The following PANX2 variants were observed in gnomAD, a reference collection of about 807,000 sequenced individuals.
PANX2 encodes pannexin-2.
Under a neutral mutation model 38.7 loss-of-function variants are expected in PANX2, and 30 were observed. That is an observed-to-expected ratio of 0.78 (90% CI 0.58 to 1.05). PANX2 has a LOEUF of 1.05. PANX2 is among the 50% of genes least tolerant of loss of function. The pLI is 0.00. For missense variants in PANX2, 880 were observed against 979.3 expected (o/e 0.90, Z 1.35); for synonymous variants, 539 against 472.1 (o/e 1.14, Z -1.84).
chr22:50,171,757 C>G (rs2063633560), intron 1 of PANX2, among the ~76,000 whole-genome samples: 1 of 152,306 alleles, frequency 6.6e-6, no homozygotes, highest in South Asian at 2.1e-4. Context: ...AGAACTTCCT[C>G]CCCTGGGGTC....
chr22:50,175,578 GTCCC>G, intron 1 of PANX2: 3 of 560,008 alleles, frequency 5.4e-6, no homozygotes, highest in Non-Finnish European at 8.4e-6. Flanking sequence ...CCAGCTCGAT[GTCCC>G]CACCGAGGAC....
chr22:50,177,022 C>T lies in PANX2; in HGVS notation c.310C>T (p.Arg104Trp), dbSNP rs750122109. ...CCGCGGCTACTGCTGGACGGAGCTG[C>T]GGGACGCGCTGCCCGGCGTGGACGC... ...YARGYCWTEL[R>W]DALPGVDASL... Residue 104 changes from arginine to tryptophan, a missense_variant, in exon 2 of 3, where the codon CGG becomes TGG. Arg to Trp is a moderately radical substitution (Grantham distance 101). Transcript: ENST00000395842. 20 of 1,604,398 alleles carry T rather than the reference C, an allele frequency of 1.2e-5. No individual in the cohort carries two copies. Among genetic ancestry groups the T allele is most frequent in the Non-Finnish European group, 1.3e-5 (15 of 1,177,502 alleles).
In PANX2 at chr22:50,177,367, C is replaced by T. The variant is rs1273549285; in HGVS notation, c.655C>T (p.Arg219Cys). ...LFEKYLERRG[R>C]SNFLAKLYLA... ...CGAGAAGTACCTGGAGCGCCGCGGC[C>T]GCAGCAACTTCCTGGCCAAGCTGTA... Residue 219 changes from arginine (R) to cysteine (C), a missense_variant, in exon 2 of 3, where the codon CGC (arginine) becomes TGC (cysteine). Transcript: ENST00000395842. The T allele has an allele frequency of 6.2e-7, 1 of 1,609,646 alleles. No homozygotes were observed. Among genetic ancestry groups the T allele is most frequent in the South Asian group, 1.1e-5 (1 of 90,734 alleles).
chr22:50,176,897 T>C, intron 1 of PANX2, 42 bp from the exon 2 acceptor site: 1 of 1,480,792 alleles, frequency 6.8e-7, no homozygotes, highest in Non-Finnish European at 8.9e-7. Flanking sequence ...GCCCAGCCCG[T>C]GCGCCTCCCC....
chr22:50,175,305 G>A (rs1401976361), intron 1 of PANX2: 1 of 311,246 alleles, frequency 3.2e-6, no homozygotes, highest in African/African-American at 2.3e-5. Flanking sequence ...GGCCCTACTG[G>A]AGTCTGGGTC....
In PANX2 at chr22:50,178,977, A is replaced by C; in HGVS notation, c.1734A>C (p.Pro578=). 6.2e-7 allele frequency: 1 copy of C among 1,604,386 alleles called. No individual in the cohort carries two copies. The highest frequency in any genetic ancestry group is 8.5e-7 in the Non-Finnish European group (1 of 1,174,696). Residue 578 remains proline, a synonymous_variant, in exon 3 of 3, where the codon CCA becomes CCC. Transcript: ENST00000395842. ...PEKEIPYPTE[P]ARAGLPSGGP... Reference sequence around the variant, plus strand: ...AGGAAATCCCGTACCCCACAGAGCCAGCCCGGGCAGGGCTTCCCTCGGGGG... The same window carrying C: ...AGGAAATCCCGTACCCCACAGAGCCCGCCCGGGCAGGGCTTCCCTCGGGGG...
At chr22:50,173,686 G>A (rs576983813) in intron 1 of PANX2, among the ~76,000 whole-genome samples, 4 of 152,386 alleles carry the variant, frequency 2.6e-5, no homozygotes, top group South Asian at 2.1e-4. Flanking sequence ...CCAGATGCGA[G>A]TCTCATGGGG....
At chr22:50,176,439 C>G (rs2063661546) in intron 1 of PANX2, among the ~76,000 whole-genome samples, 2 of 152,234 alleles carry the variant, frequency 1.3e-5, no homozygotes, top group South Asian at 4.1e-4. Context: ...AGAGCCCACC[C>G]TGCCTTCCCG....
Position 50,179,977 on chromosome 22 carries a change from A to G in PANX2, c.*700A>G, listed in dbSNP as rs951546839. 2.0e-5 allele frequency: 3 copies of G among 153,270 alleles called. No homozygotes were observed. The highest frequency in any genetic ancestry group is 4.4e-5 in the Non-Finnish European group (3 of 68,706). 9.5% of individuals were successfully genotyped at this position (153,270 alleles called of 1,614,324 possible). On this transcript the variant is annotated 3_prime_UTR_variant, in exon 3 of 3. Transcript: ENST00000395842. ...GGTGAGCGTGAGCGAGCGGGTGTGT[A>G]TGTACGAGTGTGCACGTGTGTGCGT...
chr22:50,174,569 C>A (rs1258223275), intron 1 of PANX2, among the ~76,000 whole-genome samples: 2 of 152,114 alleles, frequency 1.3e-5, no homozygotes, highest in Non-Finnish European at 2.9e-5. Flanking sequence ...GCATAGCTGG[C>A]ATGGCCAGGA....
At position 50,178,370 on chromosome 22, in the gene PANX2, G is replaced by C; in HGVS notation, c.1658G>C (p.Cys553Ser). Residue 553 changes from cysteine to serine, a missense_variant, in exon 2 of 3, where the codon TGT (cysteine) becomes TCT (serine). Physicochemically the swap from Cys to Ser is moderately radical, Grantham distance 112. Coordinates refer to ENST00000395842, the MANE Select transcript of PANX2 (RefSeq NM_052839.4). ...EGGFLSQAEDCGLGLAPAPIK... is the reference protein window; with the variant it reads ...EGGFLSQAEDSGLGLAPAPIK... Reference sequence around the variant, plus strand: ...GGCTTCCTGTCCCAGGCGGAGGACTGTGGGCTAGGCCTGGCCCCGGCGCCC... The same window carrying C: ...GGCTTCCTGTCCCAGGCGGAGGACTCTGGGCTAGGCCTGGCCCCGGCGCCC... 6.8e-7 allele frequency: 1 copy of C among 1,472,292 alleles called. No individual in the cohort carries two copies. Among genetic ancestry groups the C allele is most frequent in the Non-Finnish European group, 8.9e-7 (1 of 1,119,386 alleles). 91.2% of individuals were successfully genotyped at this position (1,472,292 alleles called of 1,614,324 possible).
chr22:50,171,041 G>C, intron 1 of PANX2, 85 bp downstream of exon 1: 3 of 660,000 alleles, frequency 4.5e-6, no homozygotes, highest in African/African-American at 1.9e-5. Flanking sequence ...CGTCCCCGGC[G>C]GCTCCGTCCA....
In PANX2 at chr22:50,178,126, C is replaced by G. The variant is rs1275982319; in HGVS notation, c.1414C>G (p.Leu472Val). The G allele has an allele frequency of 1.3e-6, 2 of 1,536,014 alleles. No individual in the cohort carries two copies. Among genetic ancestry groups the G allele is most frequent in the East Asian group, 2.5e-5 (1 of 40,536 alleles). The change falls in exon 2 of 3, where the codon CTG becomes GTG. Residue 472 changes from leucine (L) to valine (V), a missense_variant. Coordinates refer to ENST00000395842, the MANE Select transcript of PANX2 (RefSeq NM_052839.4). ...GCGCAGGAAGACGGCCACGGACACGCTGATCGCGCCGCTGCTGGACCGCTC... is the reference window on the plus strand; with the variant it reads ...GCGCAGGAAGACGGCCACGGACACGGTGATCGCGCCGCTGCTGGACCGCTC... ...PARRKTATDT[L>V]IAPLLDRSAH...
Position 50,176,937 on chromosome 22 carries a change from A to C in PANX2, c.227-2A>C. 6.6e-7 allele frequency: 1 copy of C among 1,520,432 alleles called. No homozygotes were observed. Among genetic ancestry groups the C allele is most frequent in the Non-Finnish European group, 8.8e-7 (1 of 1,140,832 alleles). 94.2% of individuals were successfully genotyped at this position (1,520,432 alleles called of 1,614,324 possible). A position where few individuals can be genotyped will look rare whatever the true frequency, so the allele number is the denominator to read the frequency against. ...CAGCCCGTGTCTCCTCTTTGCCCCC[A>C]GAGGAACCCATTTACTGTTACACCC... On this transcript the variant is annotated splice_acceptor_variant, in intron 1 of 2. Coordinates refer to ENST00000395842, the MANE Select transcript of PANX2 (RefSeq NM_052839.4). LOFTEE classifies it high-confidence loss of function.
chr22:50,171,872 C>T (rs1225612308), intron 1 of PANX2, among the ~76,000 whole-genome samples: 1 of 152,174 alleles, frequency 6.6e-6, no homozygotes, highest in Admixed American at 6.5e-5. Flanking sequence ...TCTTCTGCAG[C>T]CTCCAAACCT....
rs370065685 is a variant in PANX2, at chr22:50,175,883, C to T, written c.227-1056C>T. Among the ~76,000 whole-genome samples, 8 of 152,370 alleles carry T rather than the reference C, an allele frequency of 5.3e-5. No homozygotes were observed. The East Asian group carries it at 1.2e-3, about 22-fold the overall frequency. On this transcript the variant is annotated intron_variant, in intron 1 of 2. Coordinates refer to ENST00000395842, the MANE Select transcript of PANX2 (RefSeq NM_052839.4). ...CCCAGAGTGGACAGAGTCTCTAATC[C>T]GCCTCGCTTTCCGTCCCTAATTCAG...
In PANX2 at chr22:50,179,077, G is replaced by A. The variant is rs1433742011; in HGVS notation, c.1834G>A (p.Glu612Lys). The A allele has an allele frequency of 1.2e-6, 2 of 1,611,364 alleles. No homozygotes were observed. The highest frequency in any genetic ancestry group is 8.5e-7 in the Non-Finnish European group (1 of 1,179,298). ...GACACCAGCCAGCCTGGGCAAGGCG[G>A]AGCCCCTCACCATCCTGAGCCGAAA... ...PLTPASLGKA[E>K]PLTILSRNAT... Residue 612 changes from glutamate (E) to lysine (K), a missense_variant, in exon 3 of 3, where the codon GAG becomes AAG. Glu to Lys is a moderately conservative substitution (Grantham distance 56). Coordinates refer to ENST00000395842, the MANE Select transcript of PANX2 (RefSeq NM_052839.4).
Position 50,179,437 on chromosome 22 carries a change from C to T in PANX2, c.*160C>T. 1 of 676,012 alleles carries T rather than the reference C, an allele frequency of 1.5e-6. No homozygotes were observed. Among genetic ancestry groups the T allele is most frequent in the East Asian group, 2.9e-5 (1 of 34,146 alleles). 41.9% of individuals were successfully genotyped at this position (676,012 alleles called of 1,614,324 possible). ...CGCATGCCTGGGGCCTTCGCCCCCA[C>T]GTGCTCGACAGGGGAACCCGCCCGG... On this transcript the variant is annotated 3_prime_UTR_variant, in exon 3 of 3. Coordinates refer to ENST00000395842, the MANE Select transcript of PANX2 (RefSeq NM_052839.4).
At chr22:50,175,328 G>A in intron 1 of PANX2, 1 of 403,980 alleles carries the variant, frequency 2.5e-6, no homozygotes, top group Non-Finnish European at 4.5e-6. Flanking sequence ...GGGTTCTGGG[G>A]CCTCTCCCCA....
Sources: allele counts gnomAD v4.1 joint callset (sites outside exome capture counted in the v4.1 genomes callset), GRCh38; gene constraint gnomAD v4.1.1; transcripts MANE v1.5; gene names NCBI Gene and HGNC (gene_info 2026-07-23, HGNC 2026-07-21).